The following IQCH variants were observed in gnomAD, a reference collection of about 807,000 sequenced individuals.
IQCH encodes IQ domain-containing protein H.
Under a neutral mutation model 117.0 loss-of-function variants are expected in IQCH, and 98 were observed. That is an observed-to-expected ratio of 0.84 (90% CI 0.71 to 0.99). The LOEUF (loss-of-function observed/expected upper bound fraction) is 0.99. Among genes scored for constraint, IQCH ranks in the 50% least tolerant of loss-of-function variants. IQCH has a pLI of 0.00. For synonymous variants in IQCH, 412 were observed against 448.2 expected (o/e 0.92, Z 1.02); for missense variants, 1,102 against 1,243.8 (o/e 0.89, Z 1.72).
At chr15:67,334,012 C>G (rs553701638) in intron 4 of IQCH, among the ~76,000 whole-genome samples, 121 of 151,982 alleles carry the variant, frequency 8.0e-4, no homozygotes, top group African/African-American at 2.8e-3. Context: ...GAGCTGTGAT[C>G]GTGCCACTGA....
At chr15:67,414,353 C>T (rs548627923) in intron 14 of IQCH, among the ~76,000 whole-genome samples, 42 of 152,248 alleles carry the variant, frequency 2.8e-4, no homozygotes, top group Non-Finnish European at 4.4e-4. Flanking sequence ...ACGGAGAAAG[C>T]TTTCTCTCCC....
intron 16 of IQCH, among the ~76,000 whole-genome samples, chr15:67,435,371 G>T (rs2082112683): frequency 1.3e-5 from 2 of 152,050 alleles, no homozygotes; most frequent in African/African-American, 4.8e-5. Context: ...GATCACTTTA[G>T]GCCAGGAGTT....
rs764952545 is a variant in IQCH at position 67,417,089 on chromosome 15, T to C, written c.2218+38T>C. 4 of 1,548,746 alleles carry C rather than the reference T, an allele frequency of 2.6e-6. No individual in the cohort carries two copies. The highest frequency in any genetic ancestry group is 3.5e-6 in the Non-Finnish European group (4 of 1,145,756). On this transcript the variant is annotated intron_variant, in intron 15 of 20. Transcript: ENST00000335894. This position sits in a 1 kb window ranked among gnomAD's most constrained non-coding sequence, Gnocchi z 4.3. ...GTAAAGTTTCTATTGAGGATTAGTC[T>C]ACACAACCTTGGATTCTAGTTTTGG...
At chr15:67,380,010 G>A (rs1454868368) in intron 10 of IQCH, among the ~76,000 whole-genome samples, 7 of 151,944 alleles carry the variant, frequency 4.6e-5, no homozygotes, top group Admixed American at 3.3e-4. Context: ...GTGCCACCAC[G>A]CCCAGCTAAT....
At chr15:67,274,762 G>T (rs1157196105) in intron 3 of IQCH, among the ~76,000 whole-genome samples, 7 of 152,214 alleles carry the variant, frequency 4.6e-5, no homozygotes, top group African/African-American at 1.7e-4. Context: ...ATTTATTCCA[G>T]TCTTCTCTCT....
rs367980788 is a variant in IQCH at position 67,367,586 on chromosome 15, A to T, written c.754-4525A>T. ...GTTTTTTTAAAAGAAAAAGAAAAAAACAGCAGATCAAGGCCAGGTTGGCTC... is the reference window on the plus strand; with the variant it reads ...GTTTTTTTAAAAGAAAAAGAAAAAATCAGCAGATCAAGGCCAGGTTGGCTC... On this transcript the variant is annotated intron_variant, in intron 8 of 20. Coordinates refer to ENST00000335894, the MANE Select transcript of IQCH (RefSeq NM_001031715.3). 2.9e-4 allele frequency among the ~76,000 whole-genome samples: 44 copies of T among 152,146 alleles called. No homozygotes were observed. In the East Asian group the frequency reaches 8.1e-3, roughly 28 times the overall value.
At chr15:67,304,909 A>C (rs971532654) in intron 4 of IQCH, among the ~76,000 whole-genome samples, 1 of 152,094 alleles carries the variant, frequency 6.6e-6, no homozygotes, top group African/African-American at 2.4e-5. Context: ...GCAGGGACTA[A>C]GCCTTTATGT....
In IQCH at chr15:67,359,776, C is replaced by A; in HGVS notation, c.715-71C>A. 1 of 1,331,976 alleles carries A rather than the reference C, an allele frequency of 7.5e-7. No individual in the cohort carries two copies. The highest frequency in any genetic ancestry group is 1.1e-6 in the Non-Finnish European group (1 of 922,618). The allele number at this position is 1,331,976 out of a possible 1,614,324, so 82.5% of individuals were successfully genotyped here. A position where few individuals can be genotyped will look rare whatever the true frequency, so the allele number is the denominator to read the frequency against. Reference sequence around the variant, plus strand: ...TGGGGAAGGGGGTGAGGCTCTGAGCCTTCTATTTGTTTTGTAAAATTGCCC... The same window carrying A: ...TGGGGAAGGGGGTGAGGCTCTGAGCATTCTATTTGTTTTGTAAAATTGCCC... On this transcript the variant is annotated intron_variant, in intron 7 of 20. Transcript: ENST00000335894. This position sits in a 1 kb window ranked among gnomAD's most constrained non-coding sequence, Gnocchi z 4.5.
chr15:67,265,797 G>C (rs1965646282), intron 3 of IQCH, among the ~76,000 whole-genome samples: 2 of 152,174 alleles, frequency 1.3e-5, no homozygotes, highest in Admixed American at 1.3e-4. Context: ...AGTCTGGCAT[G>C]GACTGCTAGG....
In IQCH at chr15:67,421,482, C is replaced by T; in HGVS notation, c.2410C>T (p.Leu804Phe). 1 of 1,614,182 alleles carries T rather than the reference C, an allele frequency of 6.2e-7. No individual in the cohort carries two copies. The highest frequency in any genetic ancestry group is 8.5e-7 in the Non-Finnish European group (1 of 1,180,018). The change falls in exon 16 of 21, where the codon CTC becomes TTC. Residue 804 changes from leucine (L) to phenylalanine (F), a missense_variant. By Grantham distance (22) the Leu-to-Phe change is conservative. This residue lies in a region of IQCH where 650 missense variants were observed against 794.3 expected (regional missense o/e 0.82). Coordinates refer to ENST00000335894, the MANE Select transcript of IQCH (RefSeq NM_001031715.3). Reference sequence around the variant, plus strand: ...TCCCCAAGTTCTCACTTATTTGTGCCTCCAAATTGGAAAAGCCTGCAGAAT... The same window carrying T: ...TCCCCAAGTTCTCACTTATTTGTGCTTCCAAATTGGAAAAGCCTGCAGAAT... ...VDPQVLTYLC[L>F]QIGKACRMRD...
In IQCH at chr15:67,465,036, C is replaced by A; in HGVS notation, c.2506-91C>A. 1.7e-6 allele frequency: 2 copies of A among 1,181,960 alleles called. No homozygotes were observed. Among genetic ancestry groups the A allele is most frequent in the Non-Finnish European group, 2.4e-6 (2 of 818,900 alleles). 73.2% of individuals were successfully genotyped at this position (1,181,960 alleles called of 1,614,324 possible). On this transcript the variant is annotated intron_variant, in intron 16 of 20. Coordinates refer to ENST00000335894, the MANE Select transcript of IQCH (RefSeq NM_001031715.3). The surrounding 1 kb of genome is among the most constrained non-coding windows in gnomAD (Gnocchi z 5.9). ...CACATGGTCACTGGTTTCACTTAGT[C>A]TGATGTAGTTTGGTCTGGTTAGGCA...
chr15:67,487,330 C>T (rs2083512640), intron 18 of IQCH, among the ~76,000 whole-genome samples: 1 of 151,906 alleles, frequency 6.6e-6, no homozygotes, highest in African/African-American at 2.4e-5. Context: ...GAGACTCTGT[C>T]TCAAAAACAA....
intron 4 of IQCH, among the ~76,000 whole-genome samples, chr15:67,282,418 G>A (rs1442705490): frequency 6.6e-6 from 1 of 151,482 alleles, no homozygotes; most frequent in Non-Finnish European, 1.5e-5. Flanking sequence ...CCTGGCTAAT[G>A]TTCATGAAGA....
intron 4 of IQCH, among the ~76,000 whole-genome samples, chr15:67,311,021 T>A (rs1328604849): frequency 6.6e-6 from 1 of 152,158 alleles, no homozygotes; most frequent in Non-Finnish European, 1.5e-5. Context: ...ATGTACACTA[T>A]CTTATTTAAC....
chr15:67,461,796 C>G (rs908302242), intron 16 of IQCH, among the ~76,000 whole-genome samples: 1 of 152,148 alleles, frequency 6.6e-6, no homozygotes, highest in Non-Finnish European at 1.5e-5. Flanking sequence ...CAACCTTGCA[C>G]AAACCTACCT....
chr15:67,267,595 G>C (rs1411723706), intron 3 of IQCH, among the ~76,000 whole-genome samples: 1 of 152,216 alleles, frequency 6.6e-6, no homozygotes, highest in Non-Finnish European at 1.5e-5. Flanking sequence ...CAGGCTAGCA[G>C]GAACTGCCAA....
At chr15:67,281,019 T>C (rs985492100) in intron 4 of IQCH, among the ~76,000 whole-genome samples, 5 of 152,084 alleles carry the variant, frequency 3.3e-5, no homozygotes, top group African/African-American at 1.2e-4. Flanking sequence ...CTAATTTTTA[T>C]ATTTTTAGTA....
intron 16 of IQCH, among the ~76,000 whole-genome samples, chr15:67,448,143 C>T (rs963430096): frequency 1.6e-5 from 2 of 127,996 alleles, no homozygotes; most frequent in Admixed American, 1.7e-4. Context: ...TACAGGTATC[C>T]ATCCTAAGTG....
chr15:67,318,892 G>A (rs1049065749), intron 4 of IQCH, among the ~76,000 whole-genome samples: 6 of 152,094 alleles, frequency 3.9e-5, no homozygotes, highest in Non-Finnish European at 5.9e-5. Context: ...AGAAAACTCC[G>A]GATGGGTTAG....
Sources: allele counts gnomAD v4.1 joint callset (sites outside exome capture counted in the v4.1 genomes callset), GRCh38; gene constraint gnomAD v4.1.1; regional missense constraint gnomAD v4.1.1; non-coding constraint Gnocchi (gnomAD v3.1); transcripts MANE v1.5; gene names NCBI Gene and HGNC (gene_info 2026-07-23, HGNC 2026-07-21).